Variants in GRM3 observed in about 807,000 individuals in gnomAD.
GRM3 encodes metabotropic glutamate receptor 3.
Under a neutral mutation model 70.5 loss-of-function variants are expected in GRM3, and 26 were observed. That is an observed-to-expected ratio of 0.37 (90% CI 0.27 to 0.51). The LOEUF is 0.51. GRM3 is among the 20% of genes least tolerant of loss of function. The pLI is 0.93. For synonymous variants in GRM3, 443 were observed against 434.9 expected (o/e 1.02, Z -0.23); for missense variants, 859 against 1,123.8 (o/e 0.76, Z 3.37).
At chr7:86,855,252 A>G (rs781297844) in intron 5 of GRM3, among the ~76,000 whole-genome samples, 2 of 152,206 alleles carry the variant, frequency 1.3e-5, no homozygotes, top group Admixed American at 6.5e-5. Flanking sequence ...ACAAGCTGGA[A>G]GTACACATGA....
intron 1 of GRM3, among the ~76,000 whole-genome samples, chr7:86,758,250 T>C (rs780840222): frequency 3.9e-5 from 6 of 152,126 alleles, no homozygotes; most frequent in Non-Finnish European, 7.4e-5. Context: ...ATATTGCCAA[T>C]TGGTAAAAAT....
At chr7:86,736,462 C>T (rs1272420517) in intron 1 of GRM3, among the ~76,000 whole-genome samples, 8 of 152,160 alleles carry the variant, frequency 5.3e-5, no homozygotes, top group Non-Finnish European at 8.8e-5. Flanking sequence ...AAGAAAGTTA[C>T]GTTTTGCTCA....
rs375923210 is a variant in GRM3, at chr7:86,857,918, T to TTTTTATTTTA, written c.2567-6319_2567-6310dup. On this transcript the variant is annotated intron_variant, in intron 5 of 5. Coordinates refer to ENST00000361669, the MANE Select transcript of GRM3 (RefSeq NM_000840.3). ...TTTGAGGGAAGGAGAAGAGAGTAAA[T>TTTTTATTTTA]TTTTATTTTATTTTATTTTATTTTA... 4.8e-3 allele frequency among the ~76,000 whole-genome samples: 683 copies of TTTTTATTTTA among 142,688 alleles called. 4 individuals carry two copies. The highest frequency in any genetic ancestry group is 7.0e-3 in the Middle Eastern group (2 of 284). The allele number at this position is 142,688 out of a possible 152,430, so 93.6% of individuals were successfully genotyped here.
rs73398444 is a variant in GRM3 at position 86,681,387 on chromosome 7, T to A, written c.-141+36515T>A. Among the ~76,000 whole-genome samples, 538 of 152,314 alleles carry A rather than the reference T, an allele frequency of 3.5e-3. 4 individuals carry two copies. The highest frequency in any genetic ancestry group is 0.012 in the African/African-American group (512 of 41,572). ...CAGTTTCTAAGATTAAAAGATACTA[T>A]ATCTCATTCACGTTTTCTTTTTCCT... On this transcript the variant is annotated intron_variant, in intron 1 of 5. Transcript: ENST00000361669.
intron 1 of GRM3, among the ~76,000 whole-genome samples, chr7:86,727,272 G>T (rs536914117): frequency 1.4e-4 from 22 of 152,212 alleles, no homozygotes; most frequent in Non-Finnish European, 2.9e-4. Flanking sequence ...GACATGCAAA[G>T]TTCATTGTGG....
chr7:86,645,216 A>C (rs1437949180), intron 1 of GRM3, among the ~76,000 whole-genome samples: 1 of 152,006 alleles, frequency 6.6e-6, no homozygotes, highest in Non-Finnish European at 1.5e-5. Context: ...TGGGCTCAGA[A>C]TTTGTTTCTA....
At chr7:86,827,866 A>G (rs945003155) in intron 3 of GRM3, among the ~76,000 whole-genome samples, 15 of 152,140 alleles carry the variant, frequency 9.9e-5, no homozygotes, top group Non-Finnish European at 1.9e-4. Context: ...TAACCCCAGC[A>G]CTTTGGGAGG....
At chr7:86,660,230 A>C (rs1455774067) in intron 1 of GRM3, among the ~76,000 whole-genome samples, 3 of 152,088 alleles carry the variant, frequency 2.0e-5, no homozygotes, top group East Asian at 3.8e-4. Context: ...GGAGGAGAAC[A>C]GAACAGCTTA....
At chr7:86,797,651 A>G (rs1797580978) in intron 3 of GRM3, among the ~76,000 whole-genome samples, 1 of 152,198 alleles carries the variant, frequency 6.6e-6, no homozygotes, top group Non-Finnish European at 1.5e-5. Context: ...AGAAAAACCC[A>G]TTTTCTAAAG....
chr7:86,766,395 A>G (rs1005270873), intron 2 of GRM3, among the ~76,000 whole-genome samples: 2 of 152,026 alleles, frequency 1.3e-5, no homozygotes, highest in African/African-American at 4.8e-5. Flanking sequence ...AAAAAAAAGG[A>G]AACATTTAAC....
intron 1 of GRM3, among the ~76,000 whole-genome samples, chr7:86,759,105 G>C (rs1439796856): frequency 1.3e-5 from 2 of 152,066 alleles, no homozygotes; most frequent in Non-Finnish European, 2.9e-5. Flanking sequence ...TTAAATCTTA[G>C]TGCATAAGCC....
chr7:86,692,727 A>C (rs1440085454), intron 1 of GRM3, among the ~76,000 whole-genome samples: 3 of 152,254 alleles, frequency 2.0e-5, no homozygotes, highest in East Asian at 1.9e-4. Context: ...CCTGGTACAT[A>C]CTAGGCACAT....
intron 3 of GRM3, among the ~76,000 whole-genome samples, chr7:86,810,391 A>G (rs1234525143): frequency 1.3e-5 from 2 of 152,018 alleles, no homozygotes; most frequent in Non-Finnish European, 2.9e-5. Context: ...CTAGAAATTC[A>G]TGAATAGTTA....
intron 3 of GRM3, among the ~76,000 whole-genome samples, chr7:86,837,934 C>T (rs185103295): frequency 5.9e-5 from 9 of 152,212 alleles, no homozygotes; most frequent in Admixed American, 2.6e-4. Context: ...GAACAGAGTA[C>T]GTGGCATAGA....
chr7:86,787,398 G>C (rs536428382), intron 3 of GRM3, among the ~76,000 whole-genome samples: 1 of 152,308 alleles, frequency 6.6e-6, no homozygotes, highest in East Asian at 1.9e-4. Context: ...GGCTAGATTT[G>C]AGCTCTTTGT....
At chr7:86,821,275 T>C (rs1798114740) in intron 3 of GRM3, among the ~76,000 whole-genome samples, 1 of 152,106 alleles carries the variant, frequency 6.6e-6, no homozygotes, top group South Asian at 2.1e-4. Context: ...AGAACTGCTA[T>C]AGCTCATATA....
chr7:86,730,321 G>A (rs1795700310), intron 1 of GRM3, among the ~76,000 whole-genome samples: 2 of 152,034 alleles, frequency 1.3e-5, no homozygotes, highest in South Asian at 4.1e-4. Context: ...TCAGAAGGCT[G>A]AGACAGGAGA....
chr7:86,812,617 G>A (rs1797934793), intron 3 of GRM3, among the ~76,000 whole-genome samples: 1 of 151,746 alleles, frequency 6.6e-6, no homozygotes, highest in East Asian at 1.9e-4. Context: ...CAATTAAAGT[G>A]AGCATCCAGG....
At chr7:86,664,604 G>A (rs1404577169) in intron 1 of GRM3, among the ~76,000 whole-genome samples, 6 of 151,772 alleles carry the variant, frequency 4.0e-5, no homozygotes, top group Non-Finnish European at 8.8e-5. Context: ...TGTATCCTAG[G>A]GATTTTGTAA....
Sources: gnomAD v4.1 joint callset for allele counts (sites outside exome capture counted in the v4.1 genomes callset) on GRCh38, gnomAD v4.1.1 for gene constraint, MANE v1.5 for transcripts, NCBI Gene and HGNC (gene_info 2026-07-23, HGNC 2026-07-21) for gene names.